The following PLD4 variants were observed in gnomAD, a reference collection of about 807,000 sequenced individuals.
PLD4 encodes phospholipase D family member 4, also known as 5'-3' exonuclease PLD4.
PLD4 carries 54 observed loss-of-function variants against 52.3 expected under a neutral mutation model. That is an observed-to-expected ratio of 1.03 (90% CI 0.83 to 1.30). The LOEUF (loss-of-function observed/expected upper bound fraction) is 1.30, where lower values mean the gene tolerates loss of function less well. Among genes scored for constraint, PLD4 ranks in the 50% most tolerant of loss-of-function variants. The pLI, the probability that PLD4 is intolerant of heterozygous loss-of-function variation, is 0.00. For synonymous variants in PLD4, 264 were observed against 286.5 expected (o/e 0.92, Z 0.79); for missense variants, 731 against 671.1 (o/e 1.09, Z -0.99).
At chr14:104,935,870 C>G (rs1024584205), downstream of PLD4, 3 of 152,150 alleles carry the variant, frequency 2.0e-5, no homozygotes, top group African/African-American at 7.2e-5. Context: ...TGGCTGCTTT[C>G]CTGGTCATAC....
Position 104,928,941 on chromosome 14 carries a change from C to T in PLD4, c.468+9C>T, listed in dbSNP as rs370044851. On this transcript the variant is annotated intron_variant, in intron 4 of 10. Coordinates refer to ENST00000392593, the MANE Select transcript of PLD4 (RefSeq NM_138790.5). Reference sequence around the variant, plus strand: ...ACTCGTCTTCCCAGCTGGTGCGCCCCGCCCTGGCCCCACCGCATCCTGGTG... The same window carrying T: ...ACTCGTCTTCCCAGCTGGTGCGCCCTGCCCTGGCCCCACCGCATCCTGGTG... 4.7e-5 allele frequency: 75 copies of T among 1,581,114 alleles called. No individual in the cohort carries two copies. The African/African-American group carries it at 8.5e-4, about 18-fold the overall frequency.
intron 1 of PLD4, among the ~76,000 whole-genome samples, chr14:104,926,187 C>T (rs908216369): frequency 2.6e-5 from 4 of 152,270 alleles, no homozygotes; most frequent in Admixed American, 2.6e-4. Context: ...GGCCCCAAAC[C>T]TCGGAGACAT....
Position 104,930,875 on chromosome 14 carries a change from C to A in PLD4, c.851C>A (p.Ser284Tyr), listed in dbSNP as rs1405809612. ...LPKTWPQNFS[S>Y]HFNRFQPFHG... ...AAAACCTGGCCTCAGAACTTCTCAT[C>A]TCACTTCAACCGTTTCCAGCCCTTC... is the stretch of plus-strand genomic sequence containing the variant. The change falls in exon 7 of 11, where the codon TCT (serine) becomes TAT (tyrosine). Residue 284 changes from serine to tyrosine, a missense_variant. Transcript: ENST00000392593. The A allele has an allele frequency of 1.9e-6, 3 of 1,613,606 alleles. No individual in the cohort carries two copies. The highest frequency in any genetic ancestry group is 2.5e-6 in the Non-Finnish European group (3 of 1,180,040).
Position 104,933,218 on chromosome 14 carries a change from A to T in PLD4, c.*254A>T, listed in dbSNP as rs1205537965. The stretch of plus-strand genomic sequence containing the variant: ...GACTCCTGGCCCACAGGCCAGGCCT[A>T]AAAAAAACTCGTGGCTTCCCGGTGC... On this transcript the variant is annotated 3_prime_UTR_variant, in exon 11 of 11. Coordinates refer to ENST00000392593, the MANE Select transcript of PLD4 (RefSeq NM_138790.5). The T allele has an allele frequency of 7.2e-6, 3 of 418,010 alleles. No individual in the cohort carries two copies. Among genetic ancestry groups the T allele is most frequent in the Non-Finnish European group, 8.4e-6 (2 of 237,164 alleles). The allele number at this position is 418,010 out of a possible 1,614,324, so 25.9% of individuals were successfully genotyped here. A position where few individuals can be genotyped will look rare whatever the true frequency, so the allele number is the denominator to read the frequency against.
rs1566890354 is a variant in PLD4 at position 104,931,842 on chromosome 14, C to G, written c.1013C>G (p.Ser338Cys). 6.4e-7 allele frequency: 1 copy of G among 1,564,128 alleles called. No individual in the cohort carries two copies. The highest frequency in any genetic ancestry group is 8.7e-7 in the Non-Finnish European group (1 of 1,153,606). The change falls in exon 8 of 11, where the codon TCC becomes TGC. Residue 338 changes from serine (S) to cysteine (C), a missense_variant. Ser to Cys is a moderately radical substitution (Grantham distance 112). Transcript: ENST00000392593. ...AGCGCCCAGGAGTTCATCTATGCCT[C>G]CGTGATGGAGTATTTCCCCACCACG... ...MGSAQEFIYA[S>C]VMEYFPTTRF... is the part of the protein sequence containing the mutation.
intron 3 of PLD4, 36 bp from the exon 4 acceptor site, chr14:104,928,713 G>A (rs757186452): frequency 4.0e-5 from 61 of 1,521,670 alleles, no homozygotes; most frequent in Admixed American, 6.1e-5. Flanking sequence ...GGGGGCTCCC[G>A]CACCCATACT....
Position 104,932,891 on chromosome 14 carries a change from G to A in PLD4, c.1448G>A (p.Arg483Gln). Residue 483 changes from arginine (R) to glutamine (Q), a missense_variant, in exon 11 of 11, where the codon CGG becomes CAG. By Grantham distance (43) the Arg-to-Gln change is conservative. Coordinates refer to ENST00000392593, the MANE Select transcript of PLD4 (RefSeq NM_138790.5). This position sits in a 1 kb window ranked among gnomAD's most constrained non-coding sequence, Gnocchi z 6.5. ...GAGCAGCTGCGGCAGCTCTTTGAGC[G>A]GGACTGGAGTTCGCGCTACGCCGTC... is the stretch of plus-strand genomic sequence containing the variant. The part of the protein sequence containing the change: ...VQEQLRQLFE[R>Q]DWSSRYAVGL... 1 of 1,603,460 alleles carries A rather than the reference G, an allele frequency of 6.2e-7. No individual in the cohort carries two copies. The highest frequency in any genetic ancestry group is 8.5e-7 in the Non-Finnish European group (1 of 1,176,060).
downstream of PLD4, chr14:104,934,131 C>T (rs982498364): frequency 2.0e-4 from 29 of 146,958 alleles, no homozygotes; most frequent in African/African-American, 5.4e-4. Flanking sequence ...GTCCTGCGTG[C>T]GGGCTGGGGA....
In PLD4 at chr14:104,932,066, G is replaced by C. The variant is rs1165007095; in HGVS notation, c.1113G>C (p.Val371=). The C allele has an allele frequency of 6.2e-7, 1 of 1,608,768 alleles. No individual in the cohort carries two copies. The highest frequency in any genetic ancestry group is 1.3e-5 in the African/African-American group (1 of 74,988). ...GGGCGGCAGCCTTCGGCAAGGGCGTGCGCGTGCGCCTGCTGGTCGGCTGCG... is the reference window on the plus strand; with the variant it reads ...GGGCGGCAGCCTTCGGCAAGGGCGTCCGCGTGCGCCTGCTGGTCGGCTGCG... ...ALRAAAFGKG[V]RVRLLVGCGL... Residue 371 remains valine, a synonymous_variant, in exon 9 of 11, where the codon GTG becomes GTC. Transcript: ENST00000392593. The surrounding 1 kb of genome is among the most constrained non-coding windows in gnomAD (Gnocchi z 6.5).
chr14:104,931,939 G>A, intron 8 of PLD4, 52 bp downstream of exon 8: 1 of 1,523,728 alleles, frequency 6.6e-7, no homozygotes, highest in South Asian at 1.3e-5. Flanking sequence ...GCAGCTCCTG[G>A]GCACGTCCCC....
chr14:104,928,695 G>T (rs1356562415), intron 3 of PLD4, 54 bp from the exon 4 acceptor site: 14 of 1,486,308 alleles, frequency 9.4e-6, no homozygotes, highest in Middle Eastern at 2.5e-4. Flanking sequence ...GGTGATGTGA[G>T]GTGGGCTGGG....
chr14:104,926,654 G>A (rs1419509712), intron 1 of PLD4, among the ~76,000 whole-genome samples: 4 of 152,236 alleles, frequency 2.6e-5, no homozygotes, highest in African/African-American at 9.6e-5. Flanking sequence ...GAGGGAAGCA[G>A]TTATTTATAG....
At position 104,928,821 on chromosome 14, in the gene PLD4, C is replaced by T; in HGVS notation, c.357C>T (p.Gly119=). ...AAGSPSAQPL[G]QAWLQLLDTA... ...GCAGCCCCTCTGCCCAGCCTCTGGG[C>T]CAGGCCTGGCTGCAGCTGCTGGACA... Residue 119 remains glycine, a synonymous_variant, in exon 4 of 11, where the codon GGC becomes GGT. Transcript: ENST00000392593. 2.5e-6 allele frequency: 4 copies of T among 1,611,912 alleles called. No homozygotes were observed. Among genetic ancestry groups the T allele is most frequent in the Middle Eastern group, 1.7e-4 (1 of 6,012 alleles).
intron 1 of PLD4, 145 bp from the exon 2 acceptor site, chr14:104,926,995 GC>G (rs1260608386): frequency 3.2e-6 from 2 of 630,798 alleles, no homozygotes; most frequent in Non-Finnish European, 4.9e-6. Flanking sequence ...AACATCCAGG[GC>G]GTGACCTCGG....
At chr14:104,928,312 C>G (rs1039791457) in intron 3 of PLD4, among the ~76,000 whole-genome samples, 1 of 152,208 alleles carries the variant, frequency 6.6e-6, no homozygotes, top group Non-Finnish European at 1.5e-5. Context: ...CTGGCCCAAC[C>G]TTTCCCTTCC....
In PLD4 at chr14:104,927,690, G is replaced by A. The variant is rs568680090; in HGVS notation, c.108G>A (p.Ala36=). 28 of 1,596,412 alleles carry A rather than the reference G, an allele frequency of 1.8e-5. No individual in the cohort carries two copies. The highest frequency in any genetic ancestry group is 6.7e-5 in the East Asian group (3 of 44,448). The change falls in exon 3 of 11, where the codon GCG becomes GCA. Residue 36 remains alanine, a synonymous_variant. Coordinates refer to ENST00000392593, the MANE Select transcript of PLD4 (RefSeq NM_138790.5). ...CCATCCAGTTGCAGGTCCTGGGAGC[G>A]CTGGCTGTGCTGTGGCTGGGCTCCG... ...REAGTLQVLG[A]LAVLWLGSVA...
At chr14:104,931,036 C>T (rs148098969) in intron 7 of PLD4, 94 bp downstream of exon 7, 20 of 1,406,476 alleles carry the variant, frequency 1.4e-5, no homozygotes, top group Non-Finnish European at 2.0e-5. Flanking sequence ...CCTGCAGACA[C>T]CAGCAGCATC....
intron 1 of PLD4, among the ~76,000 whole-genome samples, chr14:104,926,838 C>A (rs980199161): frequency 6.6e-6 from 1 of 152,226 alleles, no homozygotes; most frequent in South Asian, 2.1e-4. Context: ...GACGCCCGCC[C>A]GCCCCTCGTG....
chr14:104,932,631 C>CGGCTGGA lies in PLD4; in HGVS notation c.1322-132_1322-126dup, dbSNP rs569690446. On this transcript the variant is annotated intron_variant, in intron 10 of 10. Coordinates refer to ENST00000392593, the MANE Select transcript of PLD4 (RefSeq NM_138790.5). The surrounding 1 kb of genome is among the most constrained non-coding windows in gnomAD (Gnocchi z 6.5). ...CCCGCACCTAAGCGAGGGGCTTCCC[C>CGGCTGGA]GGCTGGAGTCTGATGACAGTGGAGG... The CGGCTGGA allele has an allele frequency of 5.8e-5, 57 of 982,660 alleles. No individual in the cohort carries two copies. In the African/African-American group the frequency reaches 8.2e-4, roughly 14 times the overall value. 60.9% of individuals were successfully genotyped at this position (982,660 alleles called of 1,614,324 possible).
Sources: allele counts gnomAD v4.1 joint callset (sites outside exome capture counted in the v4.1 genomes callset), GRCh38; gene constraint gnomAD v4.1.1; non-coding constraint Gnocchi (gnomAD v3.1); transcripts MANE v1.5; gene names NCBI Gene and HGNC (gene_info 2026-07-23, HGNC 2026-07-21).